Variants in ROR1 observed in about 807,000 individuals in gnomAD.
The protein encoded by ROR1 is inactive tyrosine-protein kinase transmembrane receptor ROR1.
In ROR1, 19 loss-of-function variants were observed where a neutral mutation model predicts 78.8. The observed-to-expected ratio is 0.24, with a 90% CI of 0.17 to 0.35. ROR1 has a LOEUF of 0.35. Ranked by LOEUF, ROR1 falls within the 10% of genes least tolerant of loss-of-function variation. The pLI is 1.00. For synonymous variants in ROR1, 386 were observed against 433.6 expected, an observed-to-expected ratio of 0.89 and a Z score of 1.36; for missense variants, 917 against 1,177.8, an observed-to-expected ratio of 0.78 and a Z score of 3.24.
intron 1 of ROR1, among the ~76,000 whole-genome samples, chr1:63,993,481 T>C (rs768790643): frequency 3.3e-5 from 5 of 152,198 alleles, no homozygotes; most frequent in Non-Finnish European, 7.4e-5. Context: ...ATCTCTTTTA[T>C]AGATATTTTA....
At chr1:63,791,275 G>A (rs989091540) in intron 1 of ROR1, among the ~76,000 whole-genome samples, 3 of 152,162 alleles carry the variant, frequency 2.0e-5, no homozygotes, top group African/African-American at 7.2e-5. Flanking sequence ...GGAAGGTGTG[G>A]AGAGGGAGCA....
At chr1:63,823,241 G>C (rs893532015) in intron 1 of ROR1, among the ~76,000 whole-genome samples, 2 of 152,024 alleles carry the variant, frequency 1.3e-5, no homozygotes, top group Admixed American at 6.6e-5. Context: ...GATGGGACTT[G>C]CTATGGAATT....
At chr1:63,931,214 G>A (rs1005838889) in intron 1 of ROR1, among the ~76,000 whole-genome samples, 9 of 152,190 alleles carry the variant, frequency 5.9e-5, no homozygotes, top group Admixed American at 1.3e-4. Context: ...CCTGGGAGGC[G>A]GAGGTTGCAG....
chr1:64,177,032 G>C (rs1201260934), intron 8 of ROR1, among the ~76,000 whole-genome samples: 2 of 152,224 alleles, frequency 1.3e-5, no homozygotes, highest in Non-Finnish European at 2.9e-5. Context: ...TAGTGCTTCT[G>C]ACACCCTAAT....
At chr1:64,048,721 T>C (rs1238160577) in intron 2 of ROR1, among the ~76,000 whole-genome samples, 2 of 152,212 alleles carry the variant, frequency 1.3e-5, no homozygotes, top group Non-Finnish European at 2.9e-5. Flanking sequence ...ATAAAACTTA[T>C]TTTGTTATTA....
At chr1:64,145,607 A>G (rs940183389) in intron 7 of ROR1, among the ~76,000 whole-genome samples, 2 of 152,202 alleles carry the variant, frequency 1.3e-5, no homozygotes, top group African/African-American at 4.8e-5. Context: ...AAGGAAAATT[A>G]TTCTGTATTT....
chr1:64,050,661 TTTTG>T, intron 3 of ROR1, 21 bp from the exon 4 acceptor site: 2 of 1,612,452 alleles, frequency 1.2e-6, no homozygotes, highest in Non-Finnish European at 8.5e-7. Context: ...TGACTGTTTC[TTTTG>T]TTTTTCTTTC....
intron 1 of ROR1, among the ~76,000 whole-genome samples, chr1:63,848,712 T>C (rs971621146): frequency 1.3e-5 from 2 of 152,124 alleles, no homozygotes; most frequent in African/African-American, 4.8e-5. Flanking sequence ...AAAAAATCAA[T>C]AATGGCAAAA....
In ROR1 at chr1:64,072,698, G is replaced by A. The variant is rs189739695; in HGVS notation, c.482+21982G>A. The stretch of plus-strand genomic sequence containing the variant: ...AGGTCTGCCAGGGAATGGGAGAGCC[G>A]GGGTTATCTGTACCCACACATGCCA... On this transcript the variant is annotated intron_variant, in intron 4 of 8. Coordinates refer to ENST00000371079, the MANE Select transcript of ROR1 (RefSeq NM_005012.4). Among the ~76,000 whole-genome samples, 637 of 152,232 alleles carry A rather than the reference G, an allele frequency of 4.2e-3. 2 individuals are homozygous for A. The highest frequency in any genetic ancestry group is 7.3e-3 in the Non-Finnish European group (499 of 68,010).
At chr1:63,891,966 C>CATAT (rs979311330) in intron 1 of ROR1, among the ~76,000 whole-genome samples, 1 of 152,106 alleles carries the variant, frequency 6.6e-6, no homozygotes, top group Non-Finnish European at 1.5e-5. Flanking sequence ...TGAATTTCTA[C>CATAT]ATATATATAT....
chr1:64,049,586 C>T, intron 2 of ROR1, 105 bp from the exon 3 acceptor site: 1 of 989,364 alleles, frequency 1.0e-6, no homozygotes, highest in Non-Finnish European at 1.5e-6. Flanking sequence ...GCCTCTCCTG[C>T]TCAGCCTCTC....
intron 4 of ROR1, among the ~76,000 whole-genome samples, chr1:64,104,639 G>C (rs954744078): frequency 6.6e-6 from 1 of 151,972 alleles, no homozygotes; most frequent in African/African-American, 2.4e-5. Context: ...AGGCCCTGGT[G>C]TGTGCTGTTC....
intron 1 of ROR1, among the ~76,000 whole-genome samples, chr1:63,979,772 G>T (rs1031575177): frequency 3.9e-5 from 6 of 152,212 alleles, no homozygotes; most frequent in African/African-American, 1.4e-4. Context: ...ATAGTATACA[G>T]CAGTTAGAAA....
chr1:64,124,843 T>C (rs1648658129), intron 4 of ROR1, among the ~76,000 whole-genome samples: 1 of 152,202 alleles, frequency 6.6e-6, no homozygotes. Context: ...TTCTGACATT[T>C]TCATAACTAT....
chr1:63,941,822 G>T (rs935389642), intron 1 of ROR1, among the ~76,000 whole-genome samples: 1 of 152,076 alleles, frequency 6.6e-6, no homozygotes, highest in African/African-American at 2.4e-5. Context: ...TAACATCTTG[G>T]CTAGCCTTAA....
chr1:64,159,625 A>C (rs1046373625), intron 8 of ROR1, among the ~76,000 whole-genome samples: 1 of 152,176 alleles, frequency 6.6e-6, no homozygotes, highest in Admixed American at 6.5e-5. Context: ...AGTTAAAACC[A>C]CTGTACTATA....
intron 2 of ROR1, among the ~76,000 whole-genome samples, chr1:64,042,570 G>A (rs1351882620): frequency 6.6e-6 from 1 of 152,040 alleles, no homozygotes; most frequent in Non-Finnish European, 1.5e-5. Flanking sequence ...CGATGGTTTC[G>A]GTCCCTTCAT....
chr1:63,789,745 G>A (rs1415958835), intron 1 of ROR1, among the ~76,000 whole-genome samples: 1 of 100,466 alleles, frequency 1.0e-5, no homozygotes, highest in Non-Finnish European at 2.0e-5. Flanking sequence ...TTATTTATAT[G>A]TTTGTCTCTC....
At position 63,922,908 on chromosome 1, in the gene ROR1, A is replaced by T. The variant is rs1217164045; in HGVS notation, c.92-86397A>T. ...TTCCATATTCCCCTGTATTACATGG[A>T]TTAACCAGTGTTAGTGACCATCCGG... On this transcript the variant is annotated intron_variant, in intron 1 of 8. Transcript: ENST00000371079. 2.0e-5 allele frequency among the ~76,000 whole-genome samples: 3 copies of T among 152,142 alleles called. No homozygotes were observed. In the East Asian group the frequency reaches 5.8e-4, roughly 29 times the overall value.
Sources: gnomAD v4.1 joint callset for allele counts (sites outside exome capture counted in the v4.1 genomes callset) on GRCh38, gnomAD v4.1.1 for gene constraint, MANE v1.5 for transcripts, NCBI Gene and HGNC (gene_info 2026-07-23, HGNC 2026-07-21) for gene names.